The following PCDH7 variants were observed in gnomAD, a reference collection of about 807,000 sequenced individuals.
PCDH7 encodes the protein protocadherin 7.
PCDH7 carries 17 observed loss-of-function variants against 58.9 expected under a neutral mutation model. The observed-to-expected ratio is 0.29, with a 90% CI of 0.20 to 0.43. PCDH7 has a LOEUF of 0.43. PCDH7 is among the 20% of genes least tolerant of loss of function. The pLI, the probability that PCDH7 is intolerant of heterozygous loss-of-function variation, is 1.00. For missense variants in PCDH7, 1,274 were observed against 1,441.0 expected (o/e 0.88, Z 1.88); for synonymous variants, 664 against 616.4 (o/e 1.08, Z -1.14).
At chr4:30,899,495 C>T (rs1299510699) in intron 1 of PCDH7, among the ~76,000 whole-genome samples, 1 of 152,058 alleles carries the variant, frequency 6.6e-6, no homozygotes, top group Non-Finnish European at 1.5e-5. Flanking sequence ...TTGAGCCTGC[C>T]CTATATGAGG....
intron 1 of PCDH7, among the ~76,000 whole-genome samples, chr4:30,873,785 GA>G (rs1328740107): frequency 6.6e-6 from 1 of 152,006 alleles, no homozygotes. Context: ...CAAATCCATA[GA>G]AATACAGTTT....
chr4:31,050,259 T>C (rs1756627314), intron 3 of PCDH7, among the ~76,000 whole-genome samples: 1 of 152,264 alleles, frequency 6.6e-6, no homozygotes, highest in Non-Finnish European at 1.5e-5. Context: ...AAAAAACTTA[T>C]AAAAATATCC....
chr4:30,802,033 G>A (rs1725589664), intron 1 of PCDH7, among the ~76,000 whole-genome samples: 1 of 152,186 alleles, frequency 6.6e-6, no homozygotes, highest in Non-Finnish European at 1.5e-5. Flanking sequence ...AGGGAAAGCA[G>A]GGTGTCCTTA....
intron 1 of PCDH7, among the ~76,000 whole-genome samples, chr4:30,785,452 A>G (rs1478346121): frequency 6.6e-6 from 1 of 152,006 alleles, no homozygotes; most frequent in Non-Finnish European, 1.5e-5. Flanking sequence ...ATATTCCCAT[A>G]TATATTAATT....
At chr4:31,078,754 A>T (rs1759225292) in intron 3 of PCDH7, among the ~76,000 whole-genome samples, 1 of 149,316 alleles carries the variant, frequency 6.7e-6, no homozygotes, top group African/African-American at 2.5e-5. Context: ...AAAGTTGGCA[A>T]TATAAATTTT....
At chr4:30,822,656 C>A (rs1728524310) in intron 1 of PCDH7, among the ~76,000 whole-genome samples, 1 of 151,940 alleles carries the variant, frequency 6.6e-6, no homozygotes, top group Non-Finnish European at 1.5e-5. Flanking sequence ...AAATACTGGG[C>A]TTTTAAACAC....
chr4:30,920,368 T>C, exon 2 of PCDH7: 1 of 1,366,530 alleles, frequency 7.3e-7, no homozygotes, highest in Non-Finnish European at 9.8e-7. Context: ...ATATGGAAAA[T>C]GGTAGGGGCA....
intron 3 of PCDH7, among the ~76,000 whole-genome samples, chr4:31,064,672 G>T (rs377172613): frequency 6.6e-6 from 1 of 151,884 alleles, no homozygotes; most frequent in African/African-American, 2.4e-5. Context: ...TGTTCACCCT[G>T]TGTTTCTGTC....
chr4:30,893,083 T>C (rs1738831164), intron 1 of PCDH7, among the ~76,000 whole-genome samples: 2 of 152,102 alleles, frequency 1.3e-5, no homozygotes, highest in African/African-American at 4.8e-5. Flanking sequence ...TGTAGGGTCA[T>C]TTTTCTGAAT....
chr4:31,120,425 TTC>T (rs1384743186), intron 3 of PCDH7, among the ~76,000 whole-genome samples: 1 of 133,436 alleles, frequency 7.5e-6, no homozygotes, highest in African/African-American at 2.8e-5. Context: ...TTCGTTGTTT[TTC>T]TTTCTATTTT....
At chr4:30,795,957 C>A (rs1465854435) in intron 1 of PCDH7, among the ~76,000 whole-genome samples, 1 of 152,010 alleles carries the variant, frequency 6.6e-6, no homozygotes, top group Non-Finnish European at 1.5e-5. Context: ...AAATATGTAA[C>A]AAGTTTATTT....
chr4:31,057,481 C>T (rs575731560), intron 3 of PCDH7, among the ~76,000 whole-genome samples: 4 of 152,166 alleles, frequency 2.6e-5, no homozygotes, highest in South Asian at 4.1e-4. Context: ...CCTATATGTC[C>T]GTGAGAACTG....
chr4:30,982,577 G>A (rs553648725), intron 3 of PCDH7, among the ~76,000 whole-genome samples: 1 of 152,240 alleles, frequency 6.6e-6, no homozygotes, highest in South Asian at 2.1e-4. Context: ...CCTAATTTGA[G>A]AATCCTTTTT....
chr4:30,805,903 G>C (rs1726136256), intron 1 of PCDH7, among the ~76,000 whole-genome samples: 1 of 152,136 alleles, frequency 6.6e-6, no homozygotes, highest in Admixed American at 6.5e-5. Flanking sequence ...TGCACATTCA[G>C]GTTGAATATC....
intron 1 of PCDH7, among the ~76,000 whole-genome samples, chr4:30,788,428 A>G (rs1231403566): frequency 6.6e-6 from 1 of 152,130 alleles, no homozygotes. Flanking sequence ...AACTGCAGTT[A>G]GTACCCTATC....
intron 1 of PCDH7, among the ~76,000 whole-genome samples, chr4:30,789,441 A>T (rs1311815440): frequency 6.6e-6 from 1 of 152,144 alleles, no homozygotes; most frequent in African/African-American, 2.4e-5. Flanking sequence ...CTTTAGAAGA[A>T]GCAACAGGCA....
intron 1 of PCDH7, among the ~76,000 whole-genome samples, chr4:30,895,621 A>T (rs1396358903): frequency 6.6e-6 from 1 of 152,114 alleles, no homozygotes; most frequent in Non-Finnish European, 1.5e-5. Flanking sequence ...TTAGAGCAGG[A>T]CATTATTTTT....
chr4:30,728,294 TATAGAG>T (rs1246148549), intron 1 of PCDH7, among the ~76,000 whole-genome samples: 4,157 of 127,712 alleles, frequency 0.033, 74 homozygotes, highest in South Asian at 0.098. Context: ...TATATATATA[TATAGAG>T]AGAGAGAGAG....
At chr4:31,074,415 A>G (rs895832016) in intron 3 of PCDH7, among the ~76,000 whole-genome samples, 5 of 151,966 alleles carry the variant, frequency 3.3e-5, no homozygotes, top group African/African-American at 1.2e-4. Context: ...GCGAGTACAA[A>G]CTATATTTGG....
Sources: allele counts gnomAD v4.1 joint callset (sites outside exome capture counted in the v4.1 genomes callset), GRCh38; gene constraint gnomAD v4.1.1; transcripts MANE v1.5; gene names NCBI Gene and HGNC (gene_info 2026-07-23, HGNC 2026-07-21).